The following SDK1 variants were observed in gnomAD, a reference collection of about 807,000 sequenced individuals.
The protein encoded by SDK1 is sidekick cell adhesion molecule 1.
In SDK1, 157 loss-of-function variants were observed where a neutral mutation model predicts 245.5. The observed-to-expected ratio is 0.64, with a 90% CI of 0.56 to 0.73. SDK1 has a LOEUF of 0.73. Among genes scored for constraint, SDK1 ranks in the 30% least tolerant of loss-of-function variants. The pLI, the probability that SDK1 is intolerant of heterozygous loss-of-function variation, is 0.00. For missense variants in SDK1, 3,583 were observed against 3,002.3 expected (o/e 1.19, Z -4.52); for synonymous variants, 1,647 against 1,278.5 (o/e 1.29, Z -6.15).
intron 1 of SDK1, among the ~76,000 whole-genome samples, chr7:3,308,779 T>C (rs1232513536): frequency 1.3e-5 from 2 of 152,138 alleles, no homozygotes; most frequent in Non-Finnish European, 2.9e-5. Context: ...TTCTCCTTTC[T>C]ATAACTCTCC....
chr7:3,637,976 G>A (rs905833360), intron 2 of SDK1, among the ~76,000 whole-genome samples: 1 of 152,248 alleles, frequency 6.6e-6, no homozygotes, highest in Non-Finnish European at 1.5e-5. Context: ...TGTTAAGACT[G>A]TTGCCAGTTC....
In SDK1 at chr7:3,962,729, A is replaced by T; in HGVS notation, c.1307A>T (p.Lys436Ile). 2 of 1,613,770 alleles carry T rather than the reference A, an allele frequency of 1.2e-6. No homozygotes were observed. Among genetic ancestry groups the T allele is most frequent in the South Asian group, 2.2e-5 (2 of 91,054 alleles). ...AGCAGGCTCCAGAATCCTCGATACA[A>T]AGTGCTCGCCAGCGGAGGCCTGCGC... is the stretch of plus-strand genomic sequence containing the variant. ...SISRLQNPRY[K>I]VLASGGLRIQ... The change falls in exon 9 of 45, where the codon AAA becomes ATA. Residue 436 changes from lysine to isoleucine, a missense_variant. Coordinates refer to ENST00000404826, the MANE Select transcript of SDK1 (RefSeq NM_152744.4).
chr7:3,599,983 C>T (rs1375786423), intron 1 of SDK1, among the ~76,000 whole-genome samples: 2 of 152,116 alleles, frequency 1.3e-5, no homozygotes, highest in Non-Finnish European at 2.9e-5. Flanking sequence ...GGTATTTGGA[C>T]AATAATTCCA....
At position 3,906,382 on chromosome 7, in the gene SDK1, A is replaced by ATGTG. The variant is rs567304323; in HGVS notation, c.848-44526_848-44523dup. 1.4e-3 allele frequency among the ~76,000 whole-genome samples: 209 copies of ATGTG among 150,264 alleles called. 1 individual carries two copies. Among genetic ancestry groups the ATGTG allele is most frequent in the African/African-American group, 4.9e-3 (202 of 40,954 alleles). On this transcript the variant is annotated intron_variant, in intron 5 of 44. Coordinates refer to ENST00000404826, the MANE Select transcript of SDK1 (RefSeq NM_152744.4). Reference sequence around the variant, plus strand: ...TCTTTACAATGGTGGCTGTATGCGTATGTGTGTGTGTGTGTGTGAGAGAGA... The same window carrying ATGTG: ...TCTTTACAATGGTGGCTGTATGCGTATGTGTGTGTGTGTGTGTGTGTGAGAGAGA...
intron 1 of SDK1, among the ~76,000 whole-genome samples, chr7:3,549,425 C>T (rs551781642): frequency 6.6e-6 from 1 of 152,142 alleles, no homozygotes; most frequent in African/African-American, 2.4e-5. Flanking sequence ...GAGTTGCTAT[C>T]TTAACTTAAA....
chr7:3,903,297 C>T (rs1009977865), intron 5 of SDK1, among the ~76,000 whole-genome samples: 1 of 151,996 alleles, frequency 6.6e-6, no homozygotes, highest in African/African-American at 2.4e-5. Flanking sequence ...GTGCCCGCCA[C>T]CATGGCCGGC....
At chr7:3,578,556 G>A (rs1047436736) in intron 1 of SDK1, among the ~76,000 whole-genome samples, 1 of 151,900 alleles carries the variant, frequency 6.6e-6, no homozygotes, top group African/African-American at 2.4e-5. Context: ...GGAGACCAGG[G>A]TGTATTTCAG....
chr7:3,925,211 C>G (rs1245596900), intron 5 of SDK1, among the ~76,000 whole-genome samples: 4 of 151,326 alleles, frequency 2.6e-5, no homozygotes, highest in Middle Eastern at 3.4e-3. Context: ...ATTGGGAACT[C>G]TAAGGAGACT....
At chr7:4,088,339 T>C (rs538500508) in intron 22 of SDK1, among the ~76,000 whole-genome samples, 13 of 152,364 alleles carry the variant, frequency 8.5e-5, no homozygotes, top group African/African-American at 3.1e-4. Context: ...TCTTTGAGTA[T>C]TTTGTAATCT....
intron 1 of SDK1, among the ~76,000 whole-genome samples, chr7:3,439,853 C>T (rs1780144332): frequency 6.6e-6 from 1 of 152,156 alleles, no homozygotes; most frequent in Non-Finnish European, 1.5e-5. Flanking sequence ...TACTAGAGGG[C>T]ACTGTGCTGT....
intron 6 of SDK1, among the ~76,000 whole-genome samples, chr7:3,951,369 C>T (rs1455693457): frequency 6.6e-6 from 1 of 152,186 alleles, no homozygotes; most frequent in East Asian, 1.9e-4. Context: ...GTGTTCTCTG[C>T]CTACTTAGCG....
intron 35 of SDK1, among the ~76,000 whole-genome samples, chr7:4,188,990 A>G (rs947301150): frequency 6.6e-6 from 1 of 152,000 alleles, no homozygotes; most frequent in African/African-American, 2.4e-5. Flanking sequence ...GGCTTGTCTT[A>G]TTCCTCTTTG....
At chr7:3,331,454 A>G (rs1317338136) in intron 1 of SDK1, among the ~76,000 whole-genome samples, 1 of 152,190 alleles carries the variant, frequency 6.6e-6, no homozygotes, top group Admixed American at 6.5e-5. Flanking sequence ...CTTTGGGGAA[A>G]TACATATCAG....
intron 1 of SDK1, among the ~76,000 whole-genome samples, chr7:3,448,168 A>G (rs1780403821): frequency 1.3e-5 from 2 of 152,152 alleles, no homozygotes; most frequent in Non-Finnish European, 1.5e-5. Flanking sequence ...ATTTTATCAC[A>G]TCTTTAACAG....
At chr7:3,363,327 C>G (rs191012614) in intron 1 of SDK1, among the ~76,000 whole-genome samples, 1 of 151,672 alleles carries the variant, frequency 6.6e-6, no homozygotes, top group East Asian at 1.9e-4. Flanking sequence ...AAGTAGTGTT[C>G]CATGGAAACT....
chr7:3,535,085 C>T (rs956372570), intron 1 of SDK1, among the ~76,000 whole-genome samples: 67 of 152,152 alleles, frequency 4.4e-4, no homozygotes, highest in Admixed American at 2.6e-3. Context: ...ACCAGCCTGG[C>T]CAACATGGTG....
intron 22 of SDK1, among the ~76,000 whole-genome samples, chr7:4,095,615 C>T (rs34309054): frequency 0.24 from 36,664 of 152,032 alleles, 5,033 homozygotes; most frequent in African/African-American, 0.36. Flanking sequence ...CTCTGTCTCA[C>T]AGGCTGGAGT....
intron 1 of SDK1, among the ~76,000 whole-genome samples, chr7:3,558,998 G>A (rs954279364): frequency 3.3e-5 from 5 of 152,128 alleles, no homozygotes; most frequent in Admixed American, 6.5e-5. Context: ...GGTATTGGAA[G>A]GAATGGCTGA....
intron 35 of SDK1, among the ~76,000 whole-genome samples, chr7:4,202,595 G>T (rs79784971): frequency 0.073 from 11,086 of 152,268 alleles, 425 homozygotes; most frequent in Middle Eastern, 0.11. Context: ...AGATCAAATG[G>T]ATGACCTTCC....
Sources: allele counts gnomAD v4.1 joint callset (sites outside exome capture counted in the v4.1 genomes callset), GRCh38; gene constraint gnomAD v4.1.1; transcripts MANE v1.5; gene names NCBI Gene and HGNC (gene_info 2026-07-23, HGNC 2026-07-21).